Variants in FAT1 observed in about 807,000 individuals in gnomAD.
The protein encoded by FAT1 is FAT atypical cadherin 1.
A neutral mutation model predicts 329.8 loss-of-function variants in FAT1; 171 were observed. The observed-to-expected ratio is 0.52, with a 90% confidence interval of 0.46 to 0.59. FAT1 has a LOEUF of 0.59. Among genes scored for constraint, FAT1 ranks in the 20% least tolerant of loss-of-function variants. The pLI is 0.00. For synonymous variants in FAT1, 2,233 were observed against 2,228.6 expected, an observed-to-expected ratio of 1.00 and a Z score of -0.06; for missense variants, 5,672 against 5,774.4, an observed-to-expected ratio of 0.98 and a Z score of 0.57.
chr4:186,650,442 A>G (rs1177193040), intron 3 of FAT1, among the ~76,000 whole-genome samples: 2 of 138,542 alleles, frequency 1.4e-5, no homozygotes, highest in Non-Finnish European at 3.2e-5. Flanking sequence ...GTTTCAACTA[A>G]GGACCAAGAC....
chr4:186,642,563 A>G (rs1167510954), intron 3 of FAT1, among the ~76,000 whole-genome samples: 9 of 152,258 alleles, frequency 5.9e-5, no homozygotes, highest in East Asian at 5.8e-4. Context: ...TCCACAGCCC[A>G]TAAGTGAGCC....
At chr4:186,684,005 A>C (rs982618109) in intron 2 of FAT1, among the ~76,000 whole-genome samples, 32 of 137,334 alleles carry the variant, frequency 2.3e-4, no homozygotes, top group African/African-American at 5.5e-5. Context: ...AAATCCACCG[A>C]GCCAACACAC....
chr4:186,649,647 C>T (rs1408584651), intron 3 of FAT1, among the ~76,000 whole-genome samples: 2 of 152,062 alleles, frequency 1.3e-5, no homozygotes, highest in African/African-American at 2.4e-5. Flanking sequence ...CTGGGAGGAG[C>T]GAGGATAGGT....
chr4:186,645,789 T>C (rs1741344675), intron 3 of FAT1, among the ~76,000 whole-genome samples: 1 of 151,148 alleles, frequency 6.6e-6, no homozygotes, highest in Admixed American at 6.6e-5. Flanking sequence ...CTACTAAAAA[T>C]TCAAAAATTA....
At chr4:186,671,182 CTGA>C (rs2126631915) in intron 2 of FAT1, among the ~76,000 whole-genome samples, 1 of 152,028 alleles carries the variant, frequency 6.6e-6, no homozygotes, top group Non-Finnish European at 1.5e-5. Context: ...TAGATTTAGA[CTGA>C]TGTTAATATT....
At chr4:186,635,996 G>A (rs772066089) in intron 6 of FAT1, 29 bp downstream of exon 6, 14 of 1,604,640 alleles carry the variant, frequency 8.7e-6, no homozygotes, top group South Asian at 2.2e-5. Flanking sequence ...TAACCCATAC[G>A]GACAACGAAA....
rs1739964864 is a variant in FAT1, at chr4:186,620,205, A to G, written c.6381T>C (p.Phe2127=). 1 of 1,614,034 alleles carries G rather than the reference A, an allele frequency of 6.2e-7. No individual in the cohort carries two copies. The highest frequency in any genetic ancestry group is 1.1e-5 in the South Asian group (1 of 91,084). ...HYYLKEHHEH[F]QIGPLGEISL... ...AAATTTCACCCAAGGGTCCAATTTGAAAGTGTTCATGATGTTCCTTGAGGT... is the reference window on the plus strand; with the variant it reads ...AAATTTCACCCAAGGGTCCAATTTGGAAGTGTTCATGATGTTCCTTGAGGT... The change falls in exon 10 of 27, where the codon TTT becomes TTC. Residue 2127 remains phenylalanine (F), a synonymous_variant. Coordinates refer to ENST00000441802, the MANE Select transcript of FAT1 (RefSeq NM_005245.4).
rs1009089597 is a variant in FAT1 at position 186,603,392 on chromosome 4, G to C, written c.11134C>G (p.Leu3712Val). 1.2e-6 allele frequency: 2 copies of C among 1,613,994 alleles called. No individual in the cohort carries two copies. Among genetic ancestry groups the C allele is most frequent in the Admixed American group, 1.7e-5 (1 of 60,020 alleles). ...GSAQISTKQLLHKINSSVTDI... is the reference protein window; with the variant it reads ...GSAQISTKQLVHKINSSVTDI... ...GTCACGGAAGAGTTAATCTTGTGCA[G>C]AAGTTGTTTTGTTGAGATCTGAGCA... Residue 3712 changes from leucine (L) to valine (V), a missense_variant, in exon 19 of 27, where the codon CTG (leucine) becomes GTG (valine). This residue lies in a region of FAT1 where 1,706 missense variants were observed against 1,859.1 expected (regional missense o/e 0.92). Transcript: ENST00000441802.
intron 3 of FAT1, among the ~76,000 whole-genome samples, chr4:186,645,405 A>G (rs56280399): frequency 2.9e-5 from 3 of 103,028 alleles, no homozygotes; most frequent in Non-Finnish European, 5.9e-5. Context: ...ATATATATAT[A>G]TATATATATA....
chr4:186,592,611 C>G, intron 26 of FAT1: 1 of 440,860 alleles, frequency 2.3e-6, no homozygotes, highest in Non-Finnish European at 4.6e-6. Flanking sequence ...TTTTTTCCTA[C>G]CATTGCAATA....
At chr4:186,691,734 G>A (rs547148820) in intron 2 of FAT1, among the ~76,000 whole-genome samples, 7 of 152,172 alleles carry the variant, frequency 4.6e-5, no homozygotes, top group Admixed American at 6.5e-5. Context: ...CTTGAGCCCC[G>A]GAGTTCAAGG....
intron 3 of FAT1, among the ~76,000 whole-genome samples, chr4:186,651,121 A>T (rs1182415153): frequency 2.0e-5 from 3 of 146,482 alleles, no homozygotes; most frequent in Admixed American, 6.9e-5. Flanking sequence ...ATTAATAATT[A>T]ACAAATAATT....
At chr4:186,591,668 C>T (rs1314009635) in intron 26 of FAT1, among the ~76,000 whole-genome samples, 1 of 152,210 alleles carries the variant, frequency 6.6e-6, no homozygotes, top group South Asian at 2.1e-4. Flanking sequence ...TAAAACTTCA[C>T]TAGACAAAAT....
At chr4:186,724,288 G>C (rs571220995), upstream of FAT1, among the ~76,000 whole-genome samples, 27 of 150,840 alleles carry the variant, frequency 1.8e-4, no homozygotes, top group Non-Finnish European at 2.5e-4. The surrounding 1 kb of genome is among the most constrained non-coding windows in gnomAD (Gnocchi z 5.3). Context: ...ATCTGCATTT[G>C]AATGGCGCGG....
At chr4:186,624,681 T>C (rs1476311283) in intron 9 of FAT1, among the ~76,000 whole-genome samples, 1 of 152,242 alleles carries the variant, frequency 6.6e-6, no homozygotes, top group African/African-American at 2.4e-5. Context: ...ACTCAATTAA[T>C]TGCTGCTAAT....
At chr4:186,601,239 A>G in intron 21 of FAT1, 30 bp downstream of exon 21, 2 of 1,521,066 alleles carry the variant, frequency 1.3e-6, no homozygotes, top group Non-Finnish European at 1.8e-6. Flanking sequence ...AAAGTCTTCC[A>G]CTAAGATGCA....
intron 3 of FAT1, among the ~76,000 whole-genome samples, chr4:186,660,460 CCA>C (rs769488221): frequency 5.6e-4 from 86 of 152,330 alleles, no homozygotes; most frequent in Middle Eastern, 3.4e-3. Flanking sequence ...TCTTTACTAA[CCA>C]CAGAGTTTTT....
chr4:186,639,366 G>A, intron 4 of FAT1, among the ~76,000 whole-genome samples: 1 of 151,994 alleles, frequency 6.6e-6, no homozygotes, highest in East Asian at 1.9e-4. Context: ...TAATAGTAAG[G>A]GGAAAAAAAG....
At chr4:186,597,611 T>C in intron 24 of FAT1, 71 bp downstream of exon 24, 1 of 1,005,934 alleles carries the variant, frequency 9.9e-7, no homozygotes, top group Non-Finnish European at 1.6e-6. Flanking sequence ...TCACTGAAGG[T>C]CTGTTGCATC....
Sources: allele counts gnomAD v4.1 joint callset (sites outside exome capture counted in the v4.1 genomes callset), GRCh38; gene constraint gnomAD v4.1.1; regional missense constraint gnomAD v4.1.1; non-coding constraint Gnocchi (gnomAD v3.1); transcripts MANE v1.5; gene names NCBI Gene and HGNC (gene_info 2026-07-23, HGNC 2026-07-21).